NCAM1: variants seen among roughly 807,000 people sequenced by gnomAD.
The protein encoded by NCAM1 is neural cell adhesion molecule 1.
In NCAM1, 14 loss-of-function variants were observed where a neutral mutation model predicts 109.8. That is an observed-to-expected ratio of 0.13 (90% CI 0.08 to 0.20). The LOEUF is 0.20. Ranked by LOEUF, NCAM1 falls within the 10% of genes least tolerant of loss-of-function variation. The pLI, the probability that NCAM1 is intolerant of heterozygous loss-of-function variation, is 1.00. For missense variants in NCAM1, 774 were observed against 1,109.9 expected, an observed-to-expected ratio of 0.70 and a Z score of 4.30; for synonymous variants, 418 against 442.9, an observed-to-expected ratio of 0.94 and a Z score of 0.70.
chr11:113,088,233 C>T (rs1939175808), intron 1 of NCAM1, among the ~76,000 whole-genome samples: 1 of 152,154 alleles, frequency 6.6e-6, no homozygotes, highest in Non-Finnish European at 1.5e-5. Flanking sequence ...GACATCTTGT[C>T]TCTAACTTCA....
intron 15 of NCAM1, among the ~76,000 whole-genome samples, 184 bp from the exon 16 acceptor site, chr11:113,255,693 A>G (rs2137578809): frequency 6.6e-6 from 1 of 151,046 alleles, no homozygotes; most frequent in African/African-American, 2.4e-5. Flanking sequence ...AGGCACTCTC[A>G]GTTTGGGCTC....
At chr11:113,087,877 T>C (rs114947942) in intron 1 of NCAM1, among the ~76,000 whole-genome samples, 7,785 of 152,288 alleles carry the variant, frequency 0.051, 582 homozygotes, top group Admixed American at 0.17. Flanking sequence ...GAGGACATGG[T>C]CTATCCTTAG....
At chr11:113,042,725 C>T (rs185030798) in intron 1 of NCAM1, among the ~76,000 whole-genome samples, 39 of 152,224 alleles carry the variant, frequency 2.6e-4, no homozygotes, top group East Asian at 7.8e-4. Context: ...CTGTCATTTG[C>T]GAAGGCTTAG....
chr11:113,254,483 C>T (rs570119442), intron 15 of NCAM1, among the ~76,000 whole-genome samples: 2 of 152,326 alleles, frequency 1.3e-5, no homozygotes, highest in South Asian at 2.1e-4. Flanking sequence ...CTAAAAAGCG[C>T]CCAGGTGATC....
intron 1 of NCAM1, among the ~76,000 whole-genome samples, chr11:113,078,985 C>T (rs1341556785): frequency 2.0e-5 from 3 of 152,022 alleles, no homozygotes; most frequent in Admixed American, 1.3e-4. Flanking sequence ...GCTACTGGGC[C>T]GAGGGTCAGC....
chr11:113,114,598 G>A (rs1458189032), intron 1 of NCAM1, among the ~76,000 whole-genome samples: 6 of 152,214 alleles, frequency 3.9e-5, no homozygotes, highest in African/African-American at 1.4e-4. Context: ...CACTTCCCAG[G>A]GTTCTGCACA....
chr11:113,153,790 A>G (rs1425355118), intron 1 of NCAM1, among the ~76,000 whole-genome samples: 2 of 152,186 alleles, frequency 1.3e-5, no homozygotes, highest in Non-Finnish European at 2.9e-5. Context: ...CACAGGTTTG[A>G]TCATTGTTTC....
At chr11:113,078,514 A>G (rs1938635169) in intron 1 of NCAM1, among the ~76,000 whole-genome samples, 2 of 152,162 alleles carry the variant, frequency 1.3e-5, no homozygotes, top group South Asian at 2.1e-4. Context: ...AGTAGGGTAT[A>G]GTAACTATAG....
At chr11:113,188,220 A>C (rs1591398834) in intron 1 of NCAM1, among the ~76,000 whole-genome samples, 1 of 152,204 alleles carries the variant, frequency 6.6e-6, no homozygotes, top group East Asian at 1.9e-4. Flanking sequence ...GGGAGATCCC[A>C]GCCCTTGTGA....
chr11:113,182,921 A>T (rs1202766835), intron 1 of NCAM1, among the ~76,000 whole-genome samples: 1 of 152,222 alleles, frequency 6.6e-6, no homozygotes, highest in Non-Finnish European at 1.5e-5. Flanking sequence ...TGGGCCGCAG[A>T]TTGGAGCCCC....
At chr11:113,145,510 A>G (rs1941984563) in intron 1 of NCAM1, among the ~76,000 whole-genome samples, 1 of 152,234 alleles carries the variant, frequency 6.6e-6, no homozygotes, top group African/African-American at 2.4e-5. Context: ...CATATTAATG[A>G]AGACAACTCC....
At chr11:113,175,015 C>T (rs1943103616) in intron 1 of NCAM1, among the ~76,000 whole-genome samples, 1 of 152,202 alleles carries the variant, frequency 6.6e-6, no homozygotes, top group African/African-American at 2.4e-5. Context: ...CTCCATGGAA[C>T]TCCTACAAAA....
intron 1 of NCAM1, among the ~76,000 whole-genome samples, chr11:113,119,221 C>A (rs1555095539): frequency 6.7e-6 from 1 of 150,308 alleles, no homozygotes; most frequent in African/African-American, 2.5e-5. Context: ...CTGTGAAATG[C>A]TATTAGTTGA....
At chr11:113,112,589 T>C (rs1466809131) in intron 1 of NCAM1, among the ~76,000 whole-genome samples, 2 of 152,110 alleles carry the variant, frequency 1.3e-5, no homozygotes, top group African/African-American at 4.8e-5. Context: ...TTTCCTATAA[T>C]GAAAAATAAG....
rs575593598 is a variant in NCAM1 at position 113,170,681 on chromosome 11, A to G, written c.53-31698A>G. Among the ~76,000 whole-genome samples the G allele has an allele frequency of 2.6e-5, 4 of 152,140 alleles. No individual in the cohort carries two copies. In the South Asian group the frequency reaches 8.3e-4, roughly 32 times the overall value. ...TCTCGGGGCTGCTTGTTTAGGTTTC[A>G]TTTTTATGTCTCCCTGGCCTAGTTG... On this transcript the variant is annotated intron_variant, in intron 1 of 19. Transcript: ENST00000316851.
At chr11:113,137,310 A>C (rs1245219684) in intron 1 of NCAM1, among the ~76,000 whole-genome samples, 1 of 152,266 alleles carries the variant, frequency 6.6e-6, no homozygotes, top group African/African-American at 2.4e-5. Context: ...CCATTAAAAG[A>C]AGACAGTTAT....
intron 1 of NCAM1, among the ~76,000 whole-genome samples, chr11:113,191,163 G>C (rs376055657): frequency 2.0e-5 from 3 of 152,200 alleles, no homozygotes; most frequent in African/African-American, 7.2e-5. Context: ...CCAATGCTGA[G>C]AACTGAGCTA....
chr11:113,080,924 T>C (rs1251238884), intron 1 of NCAM1, among the ~76,000 whole-genome samples: 2 of 152,234 alleles, frequency 1.3e-5, no homozygotes, highest in Non-Finnish European at 1.5e-5. Context: ...GCGATATGAT[T>C]GGCATTTGAG....
chr11:113,260,506 C>A, intron 17 of NCAM1, 183 bp downstream of exon 17: 1 of 619,402 alleles, frequency 1.6e-6, no homozygotes, highest in Non-Finnish European at 2.6e-6. Context: ...ATGTACTGGA[C>A]CCCCAGGAAG....
Sources: allele counts gnomAD v4.1 joint callset (sites outside exome capture counted in the v4.1 genomes callset), GRCh38; gene constraint gnomAD v4.1.1; transcripts MANE v1.5; gene names NCBI Gene and HGNC (gene_info 2026-07-23, HGNC 2026-07-21).